OPRL1: variants seen among roughly 807,000 people sequenced by gnomAD.
The protein encoded by OPRL1 is opioid related nociceptin receptor 1, also known as nociceptin receptor.
OPRL1 carries 5 observed loss-of-function variants against 15.5 expected under a neutral mutation model. The observed-to-expected ratio is 0.32, with a 90% CI of 0.17 to 0.68. OPRL1 has a LOEUF of 0.68. Among genes scored for constraint, OPRL1 ranks in the 30% least tolerant of loss-of-function variants. The pLI is 0.72. For synonymous variants in OPRL1, 223 were observed against 230.2 expected, an observed-to-expected ratio of 0.97 and a Z score of 0.28; for missense variants, 406 against 515.3, an observed-to-expected ratio of 0.79 and a Z score of 2.05.
Position 64,092,676 on chromosome 20 carries a change from G to T in OPRL1, c.-33-12G>T. The stretch of plus-strand genomic sequence containing the variant: ...TGGCACTGCAGCCACTTGTCTCTGC[G>T]CTCTGTCCCAGGTACCGTACAGAGT... On this transcript the variant is annotated splice_polypyrimidine_tract_variant and intron_variant, in intron 2 of 4. Coordinates refer to ENST00000336866, the MANE Select transcript of OPRL1 (RefSeq NM_182647.4). The T allele has an allele frequency of 6.4e-7, 1 of 1,564,042 alleles. No individual in the cohort carries two copies. Among genetic ancestry groups the T allele is most frequent in the South Asian group, 1.1e-5 (1 of 87,458 alleles).
intron 1 of OPRL1, among the ~76,000 whole-genome samples, chr20:64,080,677 C>T (rs898198213): frequency 6.6e-6 from 1 of 152,188 alleles, no homozygotes; most frequent in Non-Finnish European, 1.5e-5. Context: ...TTAGGCTTCT[C>T]ATCGCAGCAT....
Position 64,098,150 on chromosome 20 carries a change from G to A in OPRL1, c.582G>A (p.Glu194=), listed in dbSNP as rs776817883. ...PVAIMGSAQV[E]DEEIECLVEI... ...CCATCATGGGCTCGGCACAGGTCGA[G>A]GATGAAGGTCAGTGGGGTGTCCCCT... The change falls in exon 4 of 5, where the codon GAG becomes GAA. Residue 194 remains glutamate (E), a synonymous_variant. Coordinates refer to ENST00000336866, the MANE Select transcript of OPRL1 (RefSeq NM_182647.4). 1 of 1,612,718 alleles carries A rather than the reference G, an allele frequency of 6.2e-7. No individual in the cohort carries two copies. The highest frequency in any genetic ancestry group is 1.1e-5 in the South Asian group (1 of 91,074).
intron 1 of OPRL1, among the ~76,000 whole-genome samples, chr20:64,088,273 GGGCCAGGATCTGTGCATTGA>G (rs1017069057): frequency 2.1e-4 from 32 of 152,316 alleles, no homozygotes; most frequent in African/African-American, 7.7e-4. Context: ...ATCTGCACAT[GGGCCAGGATCTGTGCATTGA>G]GGCCAGGATC....
At chr20:64,085,496 A>T (rs964107914) in intron 1 of OPRL1, among the ~76,000 whole-genome samples, 1 of 152,174 alleles carries the variant, frequency 6.6e-6, no homozygotes, top group Non-Finnish European at 1.5e-5. Flanking sequence ...CTATTTGTGC[A>T]TTCCTTTGTT....
rs377744968 is a variant in OPRL1 at position 64,084,948 on chromosome 20, CG to C, written c.-185+4597del. The stretch of plus-strand genomic sequence containing the variant: ...TGCCTTCTCTGGTCGGAAGAACCTC[CG>C]CCGTAGCCCAGACTCTTTGGGCTTG... On this transcript the variant is annotated intron_variant, in intron 1 of 4. Coordinates refer to ENST00000336866, the MANE Select transcript of OPRL1 (RefSeq NM_182647.4). 1.8e-3 allele frequency: 279 copies of C among 152,390 alleles called. 1 individual carries two copies. Among genetic ancestry groups the C allele is most frequent in the African/African-American group, 6.4e-3 (266 of 41,576 alleles). 9.4% of individuals were successfully genotyped at this position (152,390 alleles called of 1,614,324 possible). A position where few individuals can be genotyped will look rare whatever the true frequency, so the allele number is the denominator to read the frequency against.
At chr20:64,085,543 A>C (rs1283836951) in intron 1 of OPRL1, among the ~76,000 whole-genome samples, 1 of 152,200 alleles carries the variant, frequency 6.6e-6, no homozygotes, top group Non-Finnish European at 1.5e-5. Flanking sequence ...TAATCATTTT[A>C]TAATTTCTTC....
At chr20:64,093,259 C>T (rs1002876402) in intron 3 of OPRL1, among the ~76,000 whole-genome samples, 3 of 151,210 alleles carry the variant, frequency 2.0e-5, no homozygotes, top group Admixed American at 1.3e-4. Flanking sequence ...GCTTGAATGA[C>T]CTCATGAGAT....
chr20:64,083,853 C>T lies in OPRL1; in HGVS notation c.-185+3501C>T. On this transcript the variant is annotated intron_variant, in intron 1 of 4. Coordinates refer to ENST00000336866, the MANE Select transcript of OPRL1 (RefSeq NM_182647.4). The surrounding 1 kb of genome is among the most constrained non-coding windows in gnomAD (Gnocchi z 4.9). ...GTGTAGCGCAGCCGCAGGGCGCGGA[C>T]TCGCCCGCGGGCCTCCGCTGCCTTG... is the stretch of plus-strand genomic sequence containing the variant. The T allele has an allele frequency of 7.1e-7, 1 of 1,409,436 alleles. No individual in the cohort carries two copies. The highest frequency in any genetic ancestry group is 1.5e-5 in the South Asian group (1 of 67,368). The allele number at this position is 1,409,436 out of a possible 1,614,324, so 87.3% of individuals were successfully genotyped here. A position where few individuals can be genotyped will look rare whatever the true frequency, so the allele number is the denominator to read the frequency against.
chr20:64,083,931 TC>T lies in OPRL1; in HGVS notation c.-185+3581del. 6.9e-7 allele frequency: 1 copy of T among 1,455,582 alleles called. No individual in the cohort carries two copies. 90.2% of individuals were successfully genotyped at this position (1,455,582 alleles called of 1,614,324 possible). A position where few individuals can be genotyped will look rare whatever the true frequency, so the allele number is the denominator to read the frequency against. On this transcript the variant is annotated intron_variant, in intron 1 of 4. Transcript: ENST00000336866. The surrounding 1 kb of genome is among the most constrained non-coding windows in gnomAD (Gnocchi z 4.9). ...TCGGCGGGCAGCTCGAGCGACTGCG[TC>T]CACGGGCGCGGGTCGGGCATGCGGT...
At chr20:64,085,778 T>C (rs1049741259) in intron 1 of OPRL1, among the ~76,000 whole-genome samples, 18 of 152,202 alleles carry the variant, frequency 1.2e-4, no homozygotes, top group African/African-American at 4.1e-4. Context: ...AGCAGGGTCT[T>C]AGCTGAGCTT....
chr20:64,098,851 C>T lies in OPRL1; in HGVS notation c.*52C>T. 6 of 1,541,054 alleles carry T rather than the reference C, an allele frequency of 3.9e-6. No homozygotes were observed. The highest frequency in any genetic ancestry group is 5.2e-6 in the Non-Finnish European group (6 of 1,149,626). ...TGTCAGCCCGCAGAGCCCATCTACG[C>T]CCAACACAGAGCTCACACAGGTCAC... On this transcript the variant is annotated 3_prime_UTR_variant, in exon 5 of 5. Coordinates refer to ENST00000336866, the MANE Select transcript of OPRL1 (RefSeq NM_182647.4).
intron 3 of OPRL1, among the ~76,000 whole-genome samples, chr20:64,095,427 C>T (rs575178333): frequency 2.0e-5 from 3 of 150,658 alleles, no homozygotes; most frequent in East Asian, 2.0e-4. Context: ...GAACCCTTCA[C>T]GTGGATTGTG....
intron 1 of OPRL1, among the ~76,000 whole-genome samples, chr20:64,088,952 T>C (rs1393033339): frequency 1.2e-5 from 1 of 81,732 alleles, no homozygotes; most frequent in Non-Finnish European, 2.6e-5. Flanking sequence ...CTGTGCAGAG[T>C]GGCCAGGGTC....
chr20:64,097,761 G>A lies in OPRL1; in HGVS notation c.234-41G>A, dbSNP rs770273795. The A allele has an allele frequency of 6.4e-7, 1 of 1,569,794 alleles. No homozygotes were observed. Among genetic ancestry groups the A allele is most frequent in the South Asian group, 1.1e-5 (1 of 87,118 alleles). On this transcript the variant is annotated intron_variant, in intron 3 of 4. Transcript: ENST00000336866. This position sits in a 1 kb window ranked among gnomAD's most constrained non-coding sequence, Gnocchi z 4.2. ...TGCCCTTTGCTGCCTGGTCCAGCCAGCATGGCCAAGTGAAGCCTTTCTTCT... is the reference window on the plus strand; with the variant it reads ...TGCCCTTTGCTGCCTGGTCCAGCCAACATGGCCAAGTGAAGCCTTTCTTCT...
At position 64,083,597 on chromosome 20, in the gene OPRL1, G is replaced by C; in HGVS notation, c.-185+3245G>C. 6.7e-7 allele frequency: 1 copy of C among 1,490,540 alleles called. No homozygotes were observed. Among genetic ancestry groups the C allele is most frequent in the Admixed American group, 2.4e-5 (1 of 41,754 alleles). The allele number at this position is 1,490,540 out of a possible 1,614,324, so 92.3% of individuals were successfully genotyped here. ...CTTGTCTGCACCTCTTGGCGGTCCA[G>C]GGGGTCCGGGATCCGCGCGGGCTTC... On this transcript the variant is annotated intron_variant, in intron 1 of 4. Transcript: ENST00000336866. This position sits in a 1 kb window ranked among gnomAD's most constrained non-coding sequence, Gnocchi z 4.9.
At chr20:64,088,636 T>A (rs879169369) in intron 1 of OPRL1, among the ~76,000 whole-genome samples, 24 of 147,260 alleles carry the variant, frequency 1.6e-4, no homozygotes, top group East Asian at 8.4e-4. Flanking sequence ...CTGTGCAGAG[T>A]GGCCAGGATC....
chr20:64,092,907 G>A lies in OPRL1; in HGVS notation c.187G>A (p.Val63Ile). The change falls in exon 3 of 5, where the codon GTC becomes ATC. Residue 63 changes from valine (V) to isoleucine (I), a missense_variant. By Grantham distance (29) the Val-to-Ile change is conservative. Transcript: ENST00000336866. ...TIVGLYLAVCVGGLLGNCLVM... is the reference protein window; with the variant it reads ...TIVGLYLAVCIGGLLGNCLVM... Reference sequence around the variant, plus strand: ...CGTGGGGCTCTACCTGGCCGTGTGTGTCGGAGGGCTCCTGGGGAACTGCCT... The same window carrying A: ...CGTGGGGCTCTACCTGGCCGTGTGTATCGGAGGGCTCCTGGGGAACTGCCT... 1 of 1,612,778 alleles carries A rather than the reference G, an allele frequency of 6.2e-7. No individual in the cohort carries two copies. Among genetic ancestry groups the A allele is most frequent in the Non-Finnish European group, 8.5e-7 (1 of 1,179,940 alleles).
rs1979536437 is a variant in OPRL1 at position 64,098,964 on chromosome 20, A to G, written c.*165A>G. 1.1e-6 allele frequency: 1 copy of G among 939,496 alleles called. No homozygotes were observed. 58.2% of individuals were successfully genotyped at this position (939,496 alleles called of 1,614,324 possible). On this transcript the variant is annotated 3_prime_UTR_variant, in exon 5 of 5. Transcript: ENST00000336866. ...GTGGGCCAGGGATGCTCGGTCCCAG[A>G]GGAGGACCTAGTGACATCATGGGAC... is the stretch of plus-strand genomic sequence containing the variant.
chr20:64,095,262 AGT>A (rs1294455762), intron 3 of OPRL1, among the ~76,000 whole-genome samples: 1 of 45,830 alleles, frequency 2.2e-5, no homozygotes, highest in Non-Finnish European at 3.9e-5. Context: ...TCGGGGGGAT[AGT>A]GTGGGGGGGA....
Sources: allele counts gnomAD v4.1 joint callset (sites outside exome capture counted in the v4.1 genomes callset), GRCh38; gene constraint gnomAD v4.1.1; non-coding constraint Gnocchi (gnomAD v3.1); transcripts MANE v1.5; gene names NCBI Gene and HGNC (gene_info 2026-07-23, HGNC 2026-07-21).